Variants in DDR1 observed in about 807,000 individuals in gnomAD.
The protein encoded by DDR1 is epithelial discoidin domain-containing receptor 1.
A neutral mutation model predicts 97.4 loss-of-function variants in DDR1; 64 were observed. The observed-to-expected ratio is 0.66, with a 90% CI of 0.54 to 0.81. The LOEUF (loss-of-function observed/expected upper bound fraction) is 0.81. Among genes scored for constraint, DDR1 ranks in the 30% least tolerant of loss-of-function variants. The pLI is 0.00. For missense variants in DDR1, 990 were observed against 1,259.6 expected (o/e 0.79, Z 3.24); for synonymous variants, 458 against 503.7 (o/e 0.91, Z 1.21).
rs1788858640 is a variant in DDR1 at position 30,892,462 on chromosome 6, G to A, written c.1019G>A (p.Gly340Asp). 6.2e-7 allele frequency: 1 copy of A among 1,609,950 alleles called. No homozygotes were observed. ...RARAVSVPLG[G>D]RVARFLQCRF... Reference sequence around the variant, plus strand: ...CGGGCTGTCTCAGTGCCCCTTGGCGGCCGTGTGGCTCGCTTTCTGCAGTGC... The same window carrying A: ...CGGGCTGTCTCAGTGCCCCTTGGCGACCGTGTGGCTCGCTTTCTGCAGTGC... The change falls in exon 8 of 18, where the codon GGC (glycine) becomes GAC (aspartate). Residue 340 changes from glycine (G) to aspartate (D), a missense_variant. Gly to Asp is a moderately conservative substitution (Grantham distance 94). Transcript: ENST00000376568.
In DDR1 at chr6:30,884,814, C is replaced by G; in HGVS notation, c.-43+104C>G. On this transcript the variant is annotated intron_variant, in intron 1 of 17. Transcript: ENST00000376568. This position sits in a 1 kb window ranked among gnomAD's most constrained non-coding sequence, Gnocchi z 6.1. ...CGAGGGGCGGGGGAGGCAGGACGTC[C>G]CGAGCCATGCTTGGTCGTCCAGCTC... is the stretch of plus-strand genomic sequence containing the variant. 2 of 220,046 alleles carry G rather than the reference C, an allele frequency of 9.1e-6. No homozygotes were observed. The highest frequency in any genetic ancestry group is 1.8e-5 in the Non-Finnish European group (2 of 112,502). 13.6% of individuals were successfully genotyped at this position (220,046 alleles called of 1,614,324 possible).
intron 1 of DDR1, chr6:30,885,136 C>T (rs1336162200): frequency 6.8e-7 from 1 of 1,471,452 alleles, no homozygotes; most frequent in Non-Finnish European, 9.2e-7. Context: ...GGTCACAGTC[C>T]AGCAAAAAGA....
At chr6:30,895,319 G>C in intron 11 of DDR1, 85 bp from the exon 12 acceptor site, 1 of 969,386 alleles carries the variant, frequency 1.0e-6, no homozygotes, top group Non-Finnish European at 1.6e-6. Flanking sequence ...ATCAGCCCTG[G>C]TCTTGCCCTA....
intron 8 of DDR1, 154 bp downstream of exon 8, chr6:30,892,696 C>A: frequency 2.1e-6 from 2 of 973,574 alleles, no homozygotes; most frequent in Non-Finnish European, 2.9e-6. Context: ...ATAACTTGAG[C>A]CCCTTTCTGC....
At position 30,888,856 on chromosome 6, in the gene DDR1, G is replaced by A. The variant is rs145630640; in HGVS notation, c.85+42G>A. ...ATGGGTCCCTGAGGGCCAGGGCTTG[G>A]GAGGTAGAGAGTTGGGGGCCTTGAC... On this transcript the variant is annotated intron_variant, in intron 2 of 17. Coordinates refer to ENST00000376568, the MANE Select transcript of DDR1 (RefSeq NM_001297654.2). This position sits in a 1 kb window ranked among gnomAD's most constrained non-coding sequence, Gnocchi z 4.2. The A allele has an allele frequency of 4.3e-3, 6,921 of 1,612,932 alleles. 25 individuals are homozygous for A. The highest frequency in any genetic ancestry group is 0.011 in the Middle Eastern group (66 of 6,062).
At position 30,899,541 on chromosome 6, in the gene DDR1, C is replaced by G. The variant is rs754947768; in HGVS notation, c.*245C>G. 1.8e-6 allele frequency: 1 copy of G among 567,746 alleles called. No individual in the cohort carries two copies. Among genetic ancestry groups the G allele is most frequent in the Non-Finnish European group, 3.1e-6 (1 of 324,608 alleles). The allele number at this position is 567,746 out of a possible 1,614,324, so 35.2% of individuals were successfully genotyped here. A position where few individuals can be genotyped will look rare whatever the true frequency, so the allele number is the denominator to read the frequency against. ...CTAGAAGCCCCTGTCGCCCACCCAGCTGGTCCTGTGGATGGGATCCTCTCC... is the reference window on the plus strand; with the variant it reads ...CTAGAAGCCCCTGTCGCCCACCCAGGTGGTCCTGTGGATGGGATCCTCTCC... On this transcript the variant is annotated 3_prime_UTR_variant, in exon 18 of 18. Coordinates refer to ENST00000376568, the MANE Select transcript of DDR1 (RefSeq NM_001297654.2).
chr6:30,891,139 T>A lies in DDR1; in HGVS notation c.565+19T>A. On this transcript the variant is annotated intron_variant, in intron 5 of 17. Transcript: ENST00000376568. The surrounding 1 kb of genome is among the most constrained non-coding windows in gnomAD (Gnocchi z 5.3). ...TGGAGGGGTGAGTGGCTCAGCTTCC[T>A]GGGAATCTGTTTCCTGAGCAGGGGA... 1 of 1,612,512 alleles carries A rather than the reference T, an allele frequency of 6.2e-7. No individual in the cohort carries two copies. Among genetic ancestry groups the A allele is most frequent in the Non-Finnish European group, 8.5e-7 (1 of 1,179,910 alleles).
At position 30,897,218 on chromosome 6, in the gene DDR1, G is replaced by A. The variant is rs902531957; in HGVS notation, c.1997+77G>A. 6.3e-7 allele frequency: 1 copy of A among 1,577,708 alleles called. No homozygotes were observed. Among genetic ancestry groups the A allele is most frequent in the Non-Finnish European group, 8.6e-7 (1 of 1,162,652 alleles). ...GGGGAGCCATCTAGAGAGAACAATG[G>A]CAGAGCCCAACAGAGGGGTGGCATC... On this transcript the variant is annotated intron_variant, in intron 14 of 17. Transcript: ENST00000376568. This position sits in a 1 kb window ranked among gnomAD's most constrained non-coding sequence, Gnocchi z 5.2.
In DDR1 at chr6:30,899,425, A is replaced by T; in HGVS notation, c.*129A>T. 1 of 1,269,926 alleles carries T rather than the reference A, an allele frequency of 7.9e-7. No individual in the cohort carries two copies. The highest frequency in any genetic ancestry group is 1.1e-6 in the Non-Finnish European group (1 of 940,354). The allele number at this position is 1,269,926 out of a possible 1,614,324, so 78.7% of individuals were successfully genotyped here. On this transcript the variant is annotated 3_prime_UTR_variant, in exon 18 of 18. Transcript: ENST00000376568. ...CCCATCACCTCTAATAGAGGCAGTGAGACTGCAGGTGGGCTGGGCCCACCC... is the reference window on the plus strand; with the variant it reads ...CCCATCACCTCTAATAGAGGCAGTGTGACTGCAGGTGGGCTGGGCCCACCC...
chr6:30,890,944 C>T lies in DDR1; in HGVS notation c.418-29C>T, dbSNP rs1254180891. 1.9e-6 allele frequency: 3 copies of T among 1,560,058 alleles called. No homozygotes were observed. The highest frequency in any genetic ancestry group is 2.6e-6 in the Non-Finnish European group (3 of 1,154,350). On this transcript the variant is annotated intron_variant, in intron 4 of 17. Coordinates refer to ENST00000376568, the MANE Select transcript of DDR1 (RefSeq NM_001297654.2). This position sits in a 1 kb window ranked among gnomAD's most constrained non-coding sequence, Gnocchi z 5.0. Reference sequence around the variant, plus strand: ...AGTAAGATCTGACCTGGACTCCATCCCACCCACCCCCTGTTTCCTGGCCCA... The same window carrying T: ...AGTAAGATCTGACCTGGACTCCATCTCACCCACCCCCTGTTTCCTGGCCCA...
At chr6:30,885,253 C>T in intron 1 of DDR1, 2 of 1,532,322 alleles carry the variant, frequency 1.3e-6, no homozygotes, top group Non-Finnish European at 8.7e-7. Context: ...CTTCAGGGTC[C>T]CACCCCCCCA....
At chr6:30,883,630 T>G (rs566235524), upstream of DDR1, 1 of 152,446 alleles carries the variant, frequency 6.6e-6, no homozygotes, top group South Asian at 2.1e-4. This position sits in a 1 kb window ranked among gnomAD's most constrained non-coding sequence, Gnocchi z 4.9. Context: ...TCAGACCCTC[T>G]GGCCCACTAC....
At position 30,889,693 on chromosome 6, in the gene DDR1, C is replaced by T. The variant is rs564157301; in HGVS notation, c.417+263C>T. Among the ~76,000 whole-genome samples the T allele has an allele frequency of 1.3e-5, 2 of 152,010 alleles. No individual in the cohort carries two copies. The highest frequency in any genetic ancestry group is 3.9e-4 in the East Asian group (2 of 5,162). ...CTCCTGGGCTCAGTGATCCTCCCAC[C>T]TTAGCCTCCCAAAGTGCTGGGATTA... On this transcript the variant is annotated intron_variant, in intron 4 of 17. Transcript: ENST00000376568. The surrounding 1 kb of genome is among the most constrained non-coding windows in gnomAD (Gnocchi z 4.9).
rs772224863 is a variant in DDR1 at position 30,894,598 on chromosome 6, G to A, written c.1440G>A (p.Glu480=). The A allele has an allele frequency of 1.9e-6, 3 of 1,613,486 alleles. No homozygotes were observed. The highest frequency in any genetic ancestry group is 2.5e-6 in the Non-Finnish European group (3 of 1,179,700). ...ILINNRPGPR[E]PPPYQEPRPR... The stretch of plus-strand genomic sequence containing the variant: ...TCAACAACCGCCCAGGTCCTAGAGA[G>A]CCACCCCCGTACCAGGAGCCCCGGC... Residue 480 remains glutamate (E), a synonymous_variant, in exon 11 of 18, where the codon GAG becomes GAA. Coordinates refer to ENST00000376568, the MANE Select transcript of DDR1 (RefSeq NM_001297654.2). This position sits in a 1 kb window ranked among gnomAD's most constrained non-coding sequence, Gnocchi z 5.7.
Position 30,897,972 on chromosome 6 carries a change from G to A in DDR1, c.2217-101G>A. ...ACGTGGGCATTCCACCTCCACATGGGGAGCCAGAGTGACCGGGCCCGGGGA... is the reference window on the plus strand; with the variant it reads ...ACGTGGGCATTCCACCTCCACATGGAGAGCCAGAGTGACCGGGCCCGGGGA... On this transcript the variant is annotated intron_variant, in intron 15 of 17. Transcript: ENST00000376568. This position sits in a 1 kb window ranked among gnomAD's most constrained non-coding sequence, Gnocchi z 5.2. 2 of 876,084 alleles carry A rather than the reference G, an allele frequency of 2.3e-6. No individual in the cohort carries two copies. The highest frequency in any genetic ancestry group is 3.6e-6 in the Non-Finnish European group (2 of 553,466). The allele number at this position is 876,084 out of a possible 1,614,324, so 54.3% of individuals were successfully genotyped here. A position where few individuals can be genotyped will look rare whatever the true frequency, so the allele number is the denominator to read the frequency against.
At chr6:30,898,381 C>T (rs1177194833) in intron 16 of DDR1, 74 bp downstream of exon 16, 11 of 1,072,258 alleles carry the variant, frequency 1.0e-5, no homozygotes, top group Admixed American at 2.1e-5. Flanking sequence ...CAGCCCTGGT[C>T]TCCATCAGTC....
intron 1 of DDR1, chr6:30,885,117 G>C (rs1581998528): frequency 7.5e-7 from 1 of 1,338,992 alleles, no homozygotes; most frequent in East Asian, 2.5e-5. Context: ...ACACCCAGTT[G>C]GTCAGTCTGG....
In DDR1 at chr6:30,890,530, A is replaced by G. The variant is rs529400058; in HGVS notation, c.418-443A>G. ...TCCCTGCTGGGATCTCAGTCCTACA[A>G]GGGTGGGGAGTGACGTTCACCACTG... On this transcript the variant is annotated intron_variant, in intron 4 of 17. Coordinates refer to ENST00000376568, the MANE Select transcript of DDR1 (RefSeq NM_001297654.2). The surrounding 1 kb of genome is among the most constrained non-coding windows in gnomAD (Gnocchi z 5.0). The G allele has an allele frequency of 7.9e-5, 13 of 164,676 alleles. 1 individual carries two copies. The South Asian group carries it at 2.1e-3, about 27-fold the overall frequency. The allele number at this position is 164,676 out of a possible 1,614,324, so 10.2% of individuals were successfully genotyped here. A position where few individuals can be genotyped will look rare whatever the true frequency, so the allele number is the denominator to read the frequency against.
chr6:30,882,160 C>T (rs1303549328), upstream of DDR1, among the ~76,000 whole-genome samples: 4 of 152,218 alleles, frequency 2.6e-5, no homozygotes, highest in African/African-American at 9.7e-5. This position sits in a 1 kb window ranked among gnomAD's most constrained non-coding sequence, Gnocchi z 4.8. Context: ...TCCGTCCTCT[C>T]GCTCGCTGGT....
Sources: gnomAD v4.1 joint callset for allele counts (sites outside exome capture counted in the v4.1 genomes callset) on GRCh38, gnomAD v4.1.1 for gene constraint, Gnocchi (gnomAD v3.1) non-coding constraint, MANE v1.5 for transcripts, NCBI Gene and HGNC (gene_info 2026-07-23, HGNC 2026-07-21) for gene names.